Variants in PARD3 observed in about 807,000 individuals in gnomAD.
PARD3 encodes the protein partitioning defective 3 homolog.
A neutral mutation model predicts 155.4 loss-of-function variants in PARD3; 75 were observed. The ratio of observed to expected loss-of-function variants is 0.48; its 90% confidence interval spans 0.40 to 0.58. The LOEUF (loss-of-function observed/expected upper bound fraction) is 0.58. Among genes scored for constraint, PARD3 ranks in the 20% least tolerant of loss-of-function variants. The pLI is 0.00. For synonymous variants in PARD3, 576 were observed against 610.5 expected (o/e 0.94, Z 0.83); for missense variants, 1,642 against 1,721.7 (o/e 0.95, Z 0.82).
At position 34,372,507 on chromosome 10, in the gene PARD3, T is replaced by C; in HGVS notation, c.1698A>G (p.Pro566=). The C allele has an allele frequency of 1.2e-6, 2 of 1,610,968 alleles. No homozygotes were observed. The highest frequency in any genetic ancestry group is 1.7e-6 in the Non-Finnish European group (2 of 1,177,342). The change falls in exon 12 of 25, where the codon CCA becomes CCG. Residue 566 remains proline (P), a synonymous_variant. Transcript: ENST00000374788. ...AAGACAAAGCTCTTACCGTTTCTTT[T>C]GGAATCTGCATCTGGCTTGGCTCTG... ...LNAEPSQMQI[P]KETKAEDEDI... is the part of the protein sequence containing the mutation.
chr10:34,406,532 G>A (rs191184416), intron 5 of PARD3, among the ~76,000 whole-genome samples: 340 of 152,204 alleles, frequency 2.2e-3, no homozygotes, highest in Non-Finnish European at 4.2e-3. Flanking sequence ...GTCTGATATC[G>A]TTCTAAAAGT....
chr10:34,161,703 A>T (rs906699973), intron 22 of PARD3, among the ~76,000 whole-genome samples: 1 of 152,236 alleles, frequency 6.6e-6, no homozygotes, highest in African/African-American at 2.4e-5. Context: ...TCTGGTTCCA[A>T]GAAATTCGCT....
At position 34,111,043 on chromosome 10, in the gene PARD3, G is replaced by A; in HGVS notation, c.*126C>T. ...CATTTCTTTGCCTACACCGCTTAAAGGCACTGATACCAACAACAGAAATAC... is the reference window on the plus strand; with the variant it reads ...CATTTCTTTGCCTACACCGCTTAAAAGCACTGATACCAACAACAGAAATAC... On this transcript the variant is annotated 3_prime_UTR_variant, in exon 25 of 25. Transcript: ENST00000374788. 3 of 1,034,246 alleles carry A rather than the reference G, an allele frequency of 2.9e-6. No homozygotes were observed. The highest frequency in any genetic ancestry group is 2.8e-6 in the Non-Finnish European group (2 of 719,424). 64.1% of individuals were successfully genotyped at this position (1,034,246 alleles called of 1,614,324 possible). A position where few individuals can be genotyped will look rare whatever the true frequency, so the allele number is the denominator to read the frequency against.
chr10:34,503,004 C>T (rs2080819176), intron 3 of PARD3, among the ~76,000 whole-genome samples: 1 of 152,008 alleles, frequency 6.6e-6, no homozygotes, highest in Non-Finnish European at 1.5e-5. Context: ...CAGTTTTATG[C>T]CTCAGTGTCC....
intron 5 of PARD3, among the ~76,000 whole-genome samples, chr10:34,405,595 G>A (rs1013615363): frequency 6.6e-6 from 1 of 152,136 alleles, no homozygotes; most frequent in African/African-American, 2.4e-5. Context: ...GGTGGTGGTT[G>A]AAGACATTTT....
At chr10:34,275,364 G>A (rs10763976) in intron 21 of PARD3, among the ~76,000 whole-genome samples, 64,029 of 152,034 alleles carry the variant, frequency 0.42, 13,953 homozygotes, top group Middle Eastern at 0.53. Flanking sequence ...AACTACTGCC[G>A]CAAAAGGCTA....
At chr10:34,716,589 T>C (rs10827403) in intron 1 of PARD3, among the ~76,000 whole-genome samples, 1,340 of 38,566 alleles carry the variant, frequency 0.035, 15 homozygotes, top group African/African-American at 0.08. Context: ...GCTTTTCTTT[T>C]TTTTTTTTTT....
intron 2 of PARD3, among the ~76,000 whole-genome samples, chr10:34,649,603 G>C (rs1323382826): frequency 6.6e-6 from 1 of 152,250 alleles, no homozygotes; most frequent in Non-Finnish European, 1.5e-5. Flanking sequence ...GTTGCCCTGG[G>C]TGAGTGAGTG....
Position 34,342,803 on chromosome 10 carries a change from C to A in PARD3, c.2219-987G>T, listed in dbSNP as rs141277989. 3.9e-4 allele frequency among the ~76,000 whole-genome samples: 60 copies of A among 152,292 alleles called. No individual in the cohort carries two copies. In the East Asian group the frequency reaches 0.011, roughly 28 times the overall value. On this transcript the variant is annotated intron_variant, in intron 15 of 24. Transcript: ENST00000374788. ...AAAGTAAACTTGCTGGGGATTTCAA[C>A]TGCATTCCTCATTTAACATCAACTA...
At chr10:34,147,040 G>C (rs1225743185) in intron 22 of PARD3, among the ~76,000 whole-genome samples, 3 of 151,506 alleles carry the variant, frequency 2.0e-5, no homozygotes, top group Non-Finnish European at 4.4e-5. Context: ...AATCCTTCTA[G>C]AAAGTAATAA....
chr10:34,413,629 TGA>T (rs1258627929), intron 5 of PARD3, among the ~76,000 whole-genome samples: 1 of 152,168 alleles, frequency 6.6e-6, no homozygotes, highest in Non-Finnish European at 1.5e-5. Context: ...ATCACCACGC[TGA>T]GTTTCGCAGG....
chr10:34,182,317 CAT>C (rs1318040942), intron 22 of PARD3, among the ~76,000 whole-genome samples: 2 of 152,184 alleles, frequency 1.3e-5, no homozygotes, highest in Admixed American at 1.3e-4. Context: ...CTTCTTTACA[CAT>C]AGATTTCTCT....
intron 5 of PARD3, among the ~76,000 whole-genome samples, chr10:34,431,785 C>CACGCCTGTA (rs72366945): frequency 7.5e-6 from 1 of 134,136 alleles, no homozygotes; most frequent in Non-Finnish European, 1.5e-5. Context: ...TATGGTGGCT[C>CACGCCTGTA]ATGCCTGTAA....
intron 22 of PARD3, among the ~76,000 whole-genome samples, chr10:34,207,607 AG>A (rs951064064): frequency 1.3e-5 from 2 of 152,220 alleles, no homozygotes; most frequent in African/African-American, 4.8e-5. Context: ...GAATCATTTA[AG>A]GGTTAAATGT....
At position 34,110,473 on chromosome 10, in the gene PARD3, G is replaced by C. The variant is rs886925386; in HGVS notation, c.*696C>G. On this transcript the variant is annotated 3_prime_UTR_variant, in exon 25 of 25. Transcript: ENST00000374788. ...TGTGGTGACTCAACCCACGTGTCAG[G>C]AACAGGACCGAACAAGCGTATGTAT... is the stretch of plus-strand genomic sequence containing the variant. The C allele has an allele frequency of 6.6e-6, 1 of 152,140 alleles. No homozygotes were observed. The highest frequency in any genetic ancestry group is 2.4e-5 in the African/African-American group (1 of 41,414). 9.4% of individuals were successfully genotyped at this position (152,140 alleles called of 1,614,324 possible). A position where few individuals can be genotyped will look rare whatever the true frequency, so the allele number is the denominator to read the frequency against.
chr10:34,231,429 G>A (rs895555097), intron 22 of PARD3, among the ~76,000 whole-genome samples: 11 of 151,964 alleles, frequency 7.2e-5, no homozygotes, highest in African/African-American at 2.7e-4. Context: ...GGCTGTCTAT[G>A]GCATATTCCA....
chr10:34,195,555 G>A (rs573291587), intron 22 of PARD3, among the ~76,000 whole-genome samples: 3 of 152,286 alleles, frequency 2.0e-5, no homozygotes, highest in East Asian at 1.9e-4. Context: ...CACTTCTGGA[G>A]TGCTTATGTA....
At chr10:34,480,847 C>A (rs2079040138) in intron 3 of PARD3, among the ~76,000 whole-genome samples, 1 of 143,098 alleles carries the variant, frequency 7.0e-6, no homozygotes, top group Non-Finnish European at 1.5e-5. Flanking sequence ...CTGTCACCAG[C>A]CTGGAGTGCA....
intron 22 of PARD3, among the ~76,000 whole-genome samples, chr10:34,137,578 A>G (rs1571429): frequency 0.21 from 31,504 of 152,198 alleles, 3,771 homozygotes; most frequent in Middle Eastern, 0.38. Flanking sequence ...CGAACACTCC[A>G]TTGTTGTTGG....
Sources: allele counts gnomAD v4.1 joint callset (sites outside exome capture counted in the v4.1 genomes callset), GRCh38; gene constraint gnomAD v4.1.1; transcripts MANE v1.5; gene names NCBI Gene and HGNC (gene_info 2026-07-23, HGNC 2026-07-21).